Variants in AMPH observed in about 807,000 individuals in gnomAD.
The protein encoded by AMPH is amphiphysin.
In AMPH, 49 loss-of-function variants were observed where a neutral mutation model predicts 99.1. The observed-to-expected ratio is 0.49, with a 90% CI of 0.39 to 0.63. The LOEUF is 0.63. AMPH is among the 20% of genes least tolerant of loss of function. The pLI is 0.00. For missense variants in AMPH, 759 were observed against 863.4 expected (o/e 0.88, Z 1.52); for synonymous variants, 314 against 317.3 (o/e 0.99, Z 0.11).
At chr7:38,552,520 C>T (rs1277332923) in intron 1 of AMPH, among the ~76,000 whole-genome samples, 3 of 152,212 alleles carry the variant, frequency 2.0e-5, no homozygotes, top group Non-Finnish European at 2.9e-5. Context: ...AGCTCTATCA[C>T]CTGGAATAAG....
At chr7:38,617,312 C>A in intron 1 of AMPH, among the ~76,000 whole-genome samples, 1 of 152,188 alleles carries the variant, frequency 6.6e-6, no homozygotes, top group South Asian at 2.1e-4. Flanking sequence ...ACCTGGGCCA[C>A]CTCTAAACAG....
intron 5 of AMPH, among the ~76,000 whole-genome samples, chr7:38,486,995 C>A (rs1002241978): frequency 5.3e-5 from 8 of 152,064 alleles, no homozygotes; most frequent in African/African-American, 1.9e-4. Flanking sequence ...AAAGTGAAAG[C>A]TTTCCACTGA....
chr7:38,472,121 T>C (rs370580470), intron 7 of AMPH, among the ~76,000 whole-genome samples: 1 of 152,102 alleles, frequency 6.6e-6, no homozygotes, highest in Non-Finnish European at 1.5e-5. Context: ...CAGGCATATA[T>C]AGAACATTCC....
chr7:38,405,662 A>G (rs1326889174), intron 17 of AMPH, among the ~76,000 whole-genome samples: 2 of 152,186 alleles, frequency 1.3e-5, no homozygotes, highest in Non-Finnish European at 2.9e-5. Flanking sequence ...CTATATATAT[A>G]TATGTAGATA....
chr7:38,539,283 C>A (rs911351913), intron 1 of AMPH, among the ~76,000 whole-genome samples: 1 of 152,172 alleles, frequency 6.6e-6, no homozygotes, highest in African/African-American at 2.4e-5. Flanking sequence ...AGTGGAATGG[C>A]AGTCAGAAAA....
At chr7:38,531,374 G>A (rs1790392262) in intron 2 of AMPH, 1 of 152,184 alleles carries the variant, frequency 6.6e-6, no homozygotes, top group Non-Finnish European at 1.5e-5. Flanking sequence ...TATGAAACAT[G>A]AACCACAAAA....
In AMPH at chr7:38,465,527, A is replaced by C. The variant is rs768725560; in HGVS notation, c.689T>G (p.Val230Gly). ...IAVLCHKLYE[V>G]MTKLGDQHAD... Reference sequence around the variant, plus strand: ...GTGCTGGTCACCCAGTTTTGTCATCACTTCATACAGTTTGTGGCAAAGCTA... The same window carrying C: ...GTGCTGGTCACCCAGTTTTGTCATCCCTTCATACAGTTTGTGGCAAAGCTA... Residue 230 changes from valine to glycine, a missense_variant, in exon 9 of 21, where the codon GTG becomes GGG. Physicochemically the swap from Val to Gly is moderately radical, Grantham distance 109. Around this residue, in one of 2 missense-constraint regions of AMPH, gnomAD observed 205 missense variants for 287.9 expected, o/e 0.71. Transcript: ENST00000356264. 7 of 1,584,302 alleles carry C rather than the reference A, an allele frequency of 4.4e-6. No homozygotes were observed. The highest frequency in any genetic ancestry group is 6.0e-6 in the Non-Finnish European group (7 of 1,163,408).
chr7:38,419,381 T>C (rs866882566), intron 16 of AMPH, among the ~76,000 whole-genome samples: 3 of 76,130 alleles, frequency 3.9e-5, no homozygotes, highest in African/African-American at 1.4e-4. Context: ...ATCACACGAC[T>C]ATTCTTTTCA....
chr7:38,593,197 T>C (rs1207672738), intron 1 of AMPH, among the ~76,000 whole-genome samples: 2 of 152,198 alleles, frequency 1.3e-5, no homozygotes, highest in Non-Finnish European at 2.9e-5. Context: ...CCATAAAGCA[T>C]CTTAACAATA....
chr7:38,504,068 T>C (rs1193817490), intron 2 of AMPH, among the ~76,000 whole-genome samples: 1 of 152,246 alleles, frequency 6.6e-6, no homozygotes, highest in Non-Finnish European at 1.5e-5. Context: ...TGTTGAGTAC[T>C]TGCAATTGAG....
At chr7:38,442,476 G>T (rs765111191) in intron 11 of AMPH, among the ~76,000 whole-genome samples, 1 of 152,140 alleles carries the variant, frequency 6.6e-6, no homozygotes, top group African/African-American at 2.4e-5. Flanking sequence ...GCCACATAAA[G>T]TATGGTCTCT....
At position 38,406,627 on chromosome 7, in the gene AMPH, G is replaced by C. The variant is rs970330935; in HGVS notation, c.1398+11198C>G. Among the ~76,000 whole-genome samples, 5 of 151,514 alleles carry C rather than the reference G, an allele frequency of 3.3e-5. No homozygotes were observed. In the East Asian group the frequency reaches 9.8e-4, roughly 30 times the overall value. On this transcript the variant is annotated intron_variant, in intron 17 of 20. Coordinates refer to ENST00000356264, the MANE Select transcript of AMPH (RefSeq NM_001635.4). ...GGAAGACCCCTCCTCAATGTGAATG[G>C]GCACCATCCAATCAGCTGCCAGCAT...
chr7:38,517,482 GC>G (rs927369601), intron 2 of AMPH, among the ~76,000 whole-genome samples: 1 of 152,114 alleles, frequency 6.6e-6, no homozygotes, highest in African/African-American at 2.4e-5. Flanking sequence ...TTTCCTGAGT[GC>G]CCCCCATCCA....
At chr7:38,407,973 C>T (rs1785100302) in intron 17 of AMPH, among the ~76,000 whole-genome samples, 1 of 152,152 alleles carries the variant, frequency 6.6e-6, no homozygotes, top group African/African-American at 2.4e-5. Flanking sequence ...TACAATTTTC[C>T]AGACTGTATC....
intron 18 of AMPH, among the ~76,000 whole-genome samples, chr7:38,393,545 G>T (rs1784576772): frequency 6.6e-6 from 1 of 152,154 alleles, no homozygotes. Context: ...ACCCAGTGGT[G>T]GGCTCTTGGT....
At chr7:38,564,606 G>T (rs908188688) in intron 1 of AMPH, among the ~76,000 whole-genome samples, 1 of 152,176 alleles carries the variant, frequency 6.6e-6, no homozygotes, top group Non-Finnish European at 1.5e-5. Context: ...CCTCAAAGAT[G>T]CTGGGATGAT....
At chr7:38,518,285 G>C (rs892626882) in intron 2 of AMPH, among the ~76,000 whole-genome samples, 1 of 152,198 alleles carries the variant, frequency 6.6e-6, no homozygotes, top group African/African-American at 2.4e-5. Flanking sequence ...AGAAGCAGAG[G>C]TGTCACAGAA....
chr7:38,450,292 G>GA lies in AMPH; in HGVS notation c.1017+10990dup, dbSNP rs1451521921. On this transcript the variant is annotated intron_variant, in intron 11 of 20. Transcript: ENST00000356264. ...AAAAATAGTTGGGGGTATCTGCTAT[G>GA]AAAAAATCCTGAGACAGGCAATATT... Among the ~76,000 whole-genome samples the GA allele has an allele frequency of 3.9e-4, 60 of 152,320 alleles. 3 individuals are homozygous for GA. Among genetic ancestry groups the GA allele is most frequent in the Admixed American group, 3.9e-3 (60 of 15,306 alleles).
intron 1 of AMPH, among the ~76,000 whole-genome samples, chr7:38,579,082 TG>T (rs1562841218): frequency 1.3e-5 from 2 of 152,190 alleles, no homozygotes; most frequent in Non-Finnish European, 2.9e-5. Flanking sequence ...GAAAGGGTCT[TG>T]GGCTGCCCCA....
Sources: allele counts gnomAD v4.1 joint callset (sites outside exome capture counted in the v4.1 genomes callset), GRCh38; gene constraint gnomAD v4.1.1; regional missense constraint gnomAD v4.1.1; transcripts MANE v1.5; gene names NCBI Gene and HGNC (gene_info 2026-07-23, HGNC 2026-07-21).